Variants in TMEM51 observed in about 807,000 individuals in gnomAD.
TMEM51 encodes transmembrane protein 51, also known as chromosome 1 open reading frame 72.
Under a neutral mutation model 13.6 loss-of-function variants are expected in TMEM51, and 8 were observed. The observed-to-expected ratio is 0.59, with a 90% CI of 0.35 to 1.07. The LOEUF is 1.07. Ranked by LOEUF, TMEM51 falls within the 50% of genes least tolerant of loss-of-function variation. TMEM51 has a pLI of 0.02. For synonymous variants in TMEM51, 147 were observed against 144.4 expected (o/e 1.02, Z -0.13); for missense variants, 279 against 330.7 (o/e 0.84, Z 1.21).
chr1:15,183,642 T>C (rs1017610233), intron 1 of TMEM51, among the ~76,000 whole-genome samples: 1 of 152,238 alleles, frequency 6.6e-6, no homozygotes, highest in African/African-American at 2.4e-5. Context: ...GTGCCTTCTG[T>C]GTGTTTGGTG....
intron 1 of TMEM51, among the ~76,000 whole-genome samples, chr1:15,193,571 C>CTTTTTTTTTTTT (rs1392623062): frequency 5.0e-5 from 4 of 80,610 alleles, no homozygotes; most frequent in African/African-American, 1.7e-4. Context: ...TCTTTTCTTT[C>CTTTTTTTTTTTT]TTTCTTTTTT....
chr1:15,198,188 A>G (rs1237152759), intron 1 of TMEM51, among the ~76,000 whole-genome samples: 1 of 151,886 alleles, frequency 6.6e-6, no homozygotes, highest in African/African-American at 2.4e-5. Flanking sequence ...AAGCAGGGGG[A>G]GACATGTCTC....
intron 1 of TMEM51, among the ~76,000 whole-genome samples, chr1:15,170,261 A>G (rs1437369108): frequency 6.6e-6 from 1 of 152,010 alleles, no homozygotes; most frequent in Non-Finnish European, 1.5e-5. Context: ...CAGACCCATG[A>G]GCAAGCCAAC....
intron 1 of TMEM51, among the ~76,000 whole-genome samples, chr1:15,176,586 C>A (rs951817133): frequency 6.6e-6 from 1 of 152,188 alleles, no homozygotes; most frequent in African/African-American, 2.4e-5. Context: ...GACCCAGGAC[C>A]GTTTCCCTCC....
intron 1 of TMEM51, among the ~76,000 whole-genome samples, chr1:15,157,300 T>C (rs1642621328): frequency 6.6e-6 from 1 of 152,212 alleles, no homozygotes; most frequent in Non-Finnish European, 1.5e-5. Flanking sequence ...AGTCTCCACA[T>C]TCTCTCTTGC....
At chr1:15,153,997 G>T (rs7530300) in intron 1 of TMEM51, 43 bp downstream of exon 1, 113,665 of 152,212 alleles carry the variant, frequency 0.75, 42,833 homozygotes, top group East Asian at 0.94. Context: ...GCTTCCCGCG[G>T]CGCGCTGTCG....
At chr1:15,200,913 C>T (rs1310861651) in intron 1 of TMEM51, among the ~76,000 whole-genome samples, 3 of 152,084 alleles carry the variant, frequency 2.0e-5, no homozygotes, top group Non-Finnish European at 4.4e-5. Flanking sequence ...AAGTTTCTGT[C>T]AGCCGCAGCA....
intron 1 of TMEM51, among the ~76,000 whole-genome samples, chr1:15,202,269 CTG>C (rs1384700312): frequency 2.0e-5 from 3 of 152,310 alleles, no homozygotes; most frequent in East Asian, 3.9e-4. Context: ...GATTGAGAAA[CTG>C]TGCCTAATCA....
chr1:15,201,837 G>T (rs531284969), intron 1 of TMEM51, among the ~76,000 whole-genome samples: 3 of 152,178 alleles, frequency 2.0e-5, no homozygotes, highest in Non-Finnish European at 4.4e-5. Context: ...TTCTCAAACG[G>T]CGTCCTAATC....
rs185458331 is a variant in TMEM51, at chr1:15,197,934, G to A, written c.-266-12556G>A. The stretch of plus-strand genomic sequence containing the variant: ...AACCTCTCAGCCTGTGTGGACAGGC[G>A]TAGCTTTGGCTATACATGACAAAAA... On this transcript the variant is annotated intron_variant, in intron 1 of 3. Transcript: ENST00000376008. Among the ~76,000 whole-genome samples the A allele has an allele frequency of 3.3e-3, 465 of 138,844 alleles. 4 individuals are homozygous for A. Among genetic ancestry groups the A allele is most frequent in the Non-Finnish European group, 4.1e-3 (269 of 65,740 alleles). The allele number at this position is 138,844 out of a possible 152,430, so 91.1% of individuals were successfully genotyped here.
chr1:15,176,143 A>G (rs1164026676), intron 1 of TMEM51, among the ~76,000 whole-genome samples: 2 of 152,238 alleles, frequency 1.3e-5, no homozygotes, highest in East Asian at 3.8e-4. Flanking sequence ...CTGTGTTTGT[A>G]GTGCCCAACA....
intron 2 of TMEM51, among the ~76,000 whole-genome samples, chr1:15,214,006 C>CTTTTTTTTTT (rs367871717): frequency 3.2e-5 from 4 of 124,202 alleles, no homozygotes; most frequent in Non-Finnish European, 1.7e-5. Context: ...AGCACCCAGC[C>CTTTTTTTTTT]TTTTTTTTTT....
chr1:15,215,576 C>T (rs906369098), intron 3 of TMEM51, 145 bp downstream of exon 3: 14 of 783,150 alleles, frequency 1.8e-5, no homozygotes, highest in Non-Finnish European at 2.5e-5. Flanking sequence ...TCTGTCAAAA[C>T]GGTTTATCAT....
intron 3 of TMEM51, among the ~76,000 whole-genome samples, chr1:15,218,235 A>G (rs553799694): frequency 6.6e-6 from 1 of 152,254 alleles, no homozygotes; most frequent in Non-Finnish European, 1.5e-5. Flanking sequence ...TAAACTTGGA[A>G]GATAAAATTA....
intron 1 of TMEM51, among the ~76,000 whole-genome samples, chr1:15,175,933 C>T (rs775613374): frequency 5.9e-5 from 9 of 152,216 alleles, no homozygotes; most frequent in Non-Finnish European, 1.0e-4. Context: ...CTGCTGCCAC[C>T]GTGTCAGTCT....
At chr1:15,186,483 G>A (rs776470876) in intron 1 of TMEM51, among the ~76,000 whole-genome samples, 16 of 152,198 alleles carry the variant, frequency 1.1e-4, no homozygotes, top group Non-Finnish European at 1.8e-4. Context: ...GGGGGTCATG[G>A]ATGACCTTGG....
At chr1:15,174,480 G>A (rs1029629249) in intron 1 of TMEM51, among the ~76,000 whole-genome samples, 37 of 152,242 alleles carry the variant, frequency 2.4e-4, no homozygotes, top group African/African-American at 8.2e-4. Flanking sequence ...GGGGTCAGGT[G>A]ATCCTCCTGC....
At chr1:15,172,953 T>C (rs1002860503) in intron 1 of TMEM51, among the ~76,000 whole-genome samples, 2 of 152,154 alleles carry the variant, frequency 1.3e-5, no homozygotes, top group African/African-American at 4.8e-5. Context: ...GTGCTGTCTG[T>C]TGTTTCAGGC....
At position 15,219,775 on chromosome 1, in the gene TMEM51, C is replaced by T. The variant is rs769026815; in HGVS notation, c.*32C>T. The T allele has an allele frequency of 3.8e-6, 6 of 1,597,526 alleles. No homozygotes were observed. The highest frequency in any genetic ancestry group is 5.1e-6 in the Non-Finnish European group (6 of 1,171,938). On this transcript the variant is annotated 3_prime_UTR_variant, in exon 4 of 4. Transcript: ENST00000376008. Reference sequence around the variant, plus strand: ...CCACTTGAGCCACGCTCCCTCCTGTCTCTCACACCTTTCACCCCCAAGACT... The same window carrying T: ...CCACTTGAGCCACGCTCCCTCCTGTTTCTCACACCTTTCACCCCCAAGACT...
Sources: allele counts gnomAD v4.1 joint callset (sites outside exome capture counted in the v4.1 genomes callset), GRCh38; gene constraint gnomAD v4.1.1; transcripts MANE v1.5; gene names NCBI Gene and HGNC (gene_info 2026-07-23, HGNC 2026-07-21).